Variants in BLOC1S5 observed in about 807,000 individuals in gnomAD.
BLOC1S5 encodes the protein biogenesis of lysosome-related organelles complex 1 subunit 5.
BLOC1S5 carries 27 observed loss-of-function variants against 24.3 expected under a neutral mutation model. The observed-to-expected ratio is 1.11, with a 90% CI of 0.82 to 1.53. The LOEUF (loss-of-function observed/expected upper bound fraction) is 1.53. Ranked by LOEUF, BLOC1S5 falls within the 40% of genes most tolerant of loss-of-function variation. The pLI is 0.00. For missense variants in BLOC1S5, 239 were observed against 229.4 expected, an observed-to-expected ratio of 1.04 and a Z score of -0.27; for synonymous variants, 84 against 74.5, an observed-to-expected ratio of 1.13 and a Z score of -0.66.
At chr6:8,049,703 T>C (rs1182635542) in intron 2 of BLOC1S5, among the ~76,000 whole-genome samples, 1 of 152,136 alleles carries the variant, frequency 6.6e-6, no homozygotes, top group Non-Finnish European at 1.5e-5. Flanking sequence ...AATGTGTATA[T>C]AATTATGTAT....
intron 3 of BLOC1S5, among the ~76,000 whole-genome samples, chr6:8,033,848 C>T (rs977663991): frequency 6.6e-6 from 1 of 152,208 alleles, no homozygotes; most frequent in Non-Finnish European, 1.5e-5. Flanking sequence ...CAAAAGAAGA[C>T]ATCTGTGCAG....
chr6:8,042,955 T>C (rs1193722939), intron 2 of BLOC1S5, among the ~76,000 whole-genome samples: 1 of 152,204 alleles, frequency 6.6e-6, no homozygotes, highest in African/African-American at 2.4e-5. Flanking sequence ...GTGCATCCTG[T>C]GTGACTCCAC....
Position 8,064,294 on chromosome 6 carries a change from G to A in BLOC1S5, c.83C>T (p.Thr28Ile). Residue 28 changes from threonine to isoleucine, a missense_variant, in exon 1 of 5, where the codon ACT (threonine) becomes ATT (isoleucine). By Grantham distance (89) the Thr-to-Ile change is moderately conservative (BLOSUM62 -1). Coordinates refer to ENST00000397457, the MANE Select transcript of BLOC1S5 (RefSeq NM_201280.3). ...GATAATGAGGTGCGCTGAGCCCGCA[G>A]TCCCCAGGGAGTCCCTCTTCTTGCT... Reference protein sequence around the residue: ...GGSKKRDSLGTAGSAHLIIKD... With the variant: ...GGSKKRDSLGIAGSAHLIIKD... The A allele has an allele frequency of 2.5e-6, 4 of 1,613,830 alleles. No individual in the cohort carries two copies. The highest frequency in any genetic ancestry group is 1.1e-5 in the South Asian group (1 of 91,068).
intron 3 of BLOC1S5, among the ~76,000 whole-genome samples, chr6:8,027,658 ACT>A (rs1763154142): frequency 6.6e-6 from 1 of 152,088 alleles, no homozygotes; most frequent in African/African-American, 2.4e-5. Context: ...ACATGGTGAA[ACT>A]CTGTCTCTAC....
At chr6:8,053,570 T>C (rs997738671) in intron 2 of BLOC1S5, among the ~76,000 whole-genome samples, 18 of 152,234 alleles carry the variant, frequency 1.2e-4, no homozygotes, top group African/African-American at 3.9e-4. Flanking sequence ...GCAAACTTAA[T>C]AGACTACAGG....
chr6:8,039,190 G>A (rs543555252), intron 3 of BLOC1S5, among the ~76,000 whole-genome samples: 1 of 152,314 alleles, frequency 6.6e-6, no homozygotes, highest in East Asian at 1.9e-4. Context: ...GCCAAGCACA[G>A]AAAGACAAAT....
intron 2 of BLOC1S5, among the ~76,000 whole-genome samples, chr6:8,053,998 A>C (rs1468666550): frequency 6.6e-6 from 1 of 152,216 alleles, no homozygotes; most frequent in Non-Finnish European, 1.5e-5. Flanking sequence ...GCTCAAAGAA[A>C]ATGCTTATTG....
chr6:8,047,158 TCTCACACACACA>T (rs1427456671), intron 2 of BLOC1S5, among the ~76,000 whole-genome samples: 1,024 of 57,960 alleles, frequency 0.018, 43 homozygotes, highest in Admixed American at 0.16. Context: ...TCTCTCTCTC[TCTCACACACACA>T]CACACACACA....
chr6:8,018,998 A>AT (rs1244511259), intron 4 of BLOC1S5, among the ~76,000 whole-genome samples: 1 of 152,244 alleles, frequency 6.6e-6, no homozygotes, highest in East Asian at 1.9e-4. Flanking sequence ...ACGCTGCAAT[A>AT]TATTAGTGAA....
chr6:8,043,270 A>G (rs1763753772), intron 2 of BLOC1S5, among the ~76,000 whole-genome samples: 2 of 152,196 alleles, frequency 1.3e-5, no homozygotes, highest in Non-Finnish European at 2.9e-5. Flanking sequence ...AAATATTAAC[A>G]TTATAGTAGA....
At chr6:8,029,098 T>C (rs1763203052) in intron 3 of BLOC1S5, among the ~76,000 whole-genome samples, 1 of 151,716 alleles carries the variant, frequency 6.6e-6, no homozygotes, top group Non-Finnish European at 1.5e-5. Flanking sequence ...ATTCATTCTA[T>C]CATGGTGTCT....
chr6:8,052,048 G>A (rs1398479465), intron 2 of BLOC1S5, among the ~76,000 whole-genome samples: 1 of 140,116 alleles, frequency 7.1e-6, no homozygotes, highest in Admixed American at 8.0e-5. Context: ...CTCACTGCAA[G>A]CTCCGCCTCC....
intron 3 of BLOC1S5, among the ~76,000 whole-genome samples, chr6:8,038,552 T>C (rs1561862648): frequency 6.6e-6 from 1 of 152,220 alleles, no homozygotes; most frequent in Non-Finnish European, 1.5e-5. Flanking sequence ...TGGCGCTATC[T>C]TGGCTCACTG....
At chr6:8,038,190 G>C (rs58354933) in intron 3 of BLOC1S5, among the ~76,000 whole-genome samples, 5,932 of 152,148 alleles carry the variant, frequency 0.039, 362 homozygotes, top group African/African-American at 0.13. Flanking sequence ...GTGACGCAAA[G>C]AAAATAATCA....
intron 2 of BLOC1S5, among the ~76,000 whole-genome samples, chr6:8,050,857 G>A (rs545567173): frequency 1.3e-4 from 20 of 151,804 alleles, no homozygotes; most frequent in Admixed American, 5.9e-4. Context: ...TGCCCGCCTC[G>A]GCCTCCCAAA....
chr6:8,047,160 TCACACACACACA>T (rs57923927), intron 2 of BLOC1S5, among the ~76,000 whole-genome samples: 5,985 of 126,738 alleles, frequency 0.047, 225 homozygotes, highest in South Asian at 0.14. Flanking sequence ...TCTCTCTCTC[TCACACACACACA>T]CACACACACA....
At chr6:8,024,721 C>T (rs1693042317) in intron 4 of BLOC1S5, among the ~76,000 whole-genome samples, 1 of 152,014 alleles carries the variant, frequency 6.6e-6, no homozygotes, top group South Asian at 2.1e-4. Context: ...GCATCTTAAA[C>T]AAACAGTGAG....
At chr6:8,034,889 C>T (rs1763433253) in intron 3 of BLOC1S5, among the ~76,000 whole-genome samples, 1 of 151,918 alleles carries the variant, frequency 6.6e-6, no homozygotes, top group Admixed American at 6.6e-5. Flanking sequence ...TGGAACCAGC[C>T]CAAATGCCCA....
intron 2 of BLOC1S5, among the ~76,000 whole-genome samples, chr6:8,048,604 C>T (rs74783439): frequency 0.012 from 1,760 of 152,178 alleles, 34 homozygotes; most frequent in African/African-American, 0.04. Flanking sequence ...AATACCAATA[C>T]TAGCATCAAC....
Sources: allele counts gnomAD v4.1 joint callset (sites outside exome capture counted in the v4.1 genomes callset), GRCh38; gene constraint gnomAD v4.1.1; transcripts MANE v1.5; gene names NCBI Gene and HGNC (gene_info 2026-07-23, HGNC 2026-07-21).